The following PRP4K variants were observed in gnomAD, a reference collection of about 807,000 sequenced individuals.
PRP4K encodes the protein pre-mRNA processing factor kinase PRP4K.
At chr6:4,052,053 C>T in the PRP4K span, 2 of 1,602,124 alleles carry the variant, frequency 1.2e-6, no homozygotes, top group Non-Finnish European at 1.7e-6. Flanking sequence ...TCAGGCACTT[C>T]TATCACAAGC....
chr6:4,040,735 T>A, the PRP4K span: 1 of 1,595,562 alleles, frequency 6.3e-7, no homozygotes, highest in Admixed American at 1.8e-5. Flanking sequence ...CTTTGACATT[T>A]AAAAAAATGT....
the PRP4K span, chr6:4,032,717 A>G: frequency 8.8e-6 from 14 of 1,589,330 alleles, no homozygotes; most frequent in Admixed American, 5.8e-5. Context: ...TAGAAAGAAA[A>G]CGACGAGAAC....
chr6:4,030,379 A>G, the PRP4K span, among the ~76,000 whole-genome samples: 3 of 152,228 alleles, frequency 2.0e-5, no homozygotes, highest in African/African-American at 4.8e-5. Context: ...ATAGGAGTAT[A>G]TAATATGAAG....
chr6:4,026,614 T>C, the PRP4K span, among the ~76,000 whole-genome samples: 6 of 152,178 alleles, frequency 3.9e-5, no homozygotes, highest in African/African-American at 1.4e-4. Context: ...TATGTTATTC[T>C]ATATATATAA....
At chr6:4,025,304 T>C in the PRP4K span, among the ~76,000 whole-genome samples, 1 of 152,226 alleles carries the variant, frequency 6.6e-6, no homozygotes, top group Admixed American at 6.5e-5. Flanking sequence ...TTCTTGAGCT[T>C]TAGAAGAAAG....
the PRP4K span, chr6:4,037,284 A>G: frequency 9.9e-7 from 1 of 1,013,484 alleles, no homozygotes; most frequent in Non-Finnish European, 1.4e-6. Flanking sequence ...ACATTAATCA[A>G]AGTTCACTTT....
At chr6:4,026,684 G>A in the PRP4K span, among the ~76,000 whole-genome samples, 1 of 152,314 alleles carries the variant, frequency 6.6e-6, no homozygotes, top group South Asian at 2.1e-4. Context: ...GGCCCTCAGA[G>A]ATAGAGCAGT....
chr6:4,039,625 G>A, the PRP4K span, among the ~76,000 whole-genome samples: 1 of 152,100 alleles, frequency 6.6e-6, no homozygotes, highest in Non-Finnish European at 1.5e-5. Context: ...AGAGGATAGG[G>A]AGTCTCCAAT....
At chr6:4,056,610 T>C in the PRP4K span, 2 of 1,587,626 alleles carry the variant, frequency 1.3e-6, no homozygotes, top group Admixed American at 3.4e-5. Flanking sequence ...GTGACAGGAG[T>C]CTTGATCATG....
chr6:4,050,890 TTTG>T, the PRP4K span, among the ~76,000 whole-genome samples: 2 of 151,984 alleles, frequency 1.3e-5, no homozygotes, highest in African/African-American at 4.8e-5. Context: ...GTTCTGTTTT[TTTG>T]TTGTTGTTTG....
At chr6:4,046,660 C>CTT in the PRP4K span, among the ~76,000 whole-genome samples, 166 of 141,888 alleles carry the variant, frequency 1.2e-3, 1 homozygote, top group African/African-American at 3.9e-3. Context: ...GGTCTTTCAA[C>CTT]TTTTTTTTTT....
At chr6:4,058,680 G>A in the PRP4K span, 3 of 1,305,374 alleles carry the variant, frequency 2.3e-6, no homozygotes, top group African/African-American at 4.4e-5. Flanking sequence ...TTGTTAGTAG[G>A]CCTGTTTCAT....
chr6:4,026,606 TG>T, the PRP4K span, among the ~76,000 whole-genome samples: 3 of 152,310 alleles, frequency 2.0e-5, no homozygotes, highest in South Asian at 6.2e-4. Flanking sequence ...CCCGGCCTTA[TG>T]TTATTCTATA....
chr6:4,051,764 T>C, the PRP4K span, among the ~76,000 whole-genome samples: 1 of 152,214 alleles, frequency 6.6e-6, no homozygotes, highest in African/African-American at 2.4e-5. Flanking sequence ...ATAATGATAG[T>C]TGACTAACTA....
chr6:4,063,549 A>T, the PRP4K span: 1 of 152,196 alleles, frequency 6.6e-6, no homozygotes, highest in East Asian at 1.9e-4. Flanking sequence ...TACCCTGTAG[A>T]AACCTCGTTA....
the PRP4K span, among the ~76,000 whole-genome samples, chr6:4,038,419 G>C: frequency 1.6e-4 from 24 of 151,334 alleles, no homozygotes; most frequent in African/African-American, 5.8e-4. Flanking sequence ...AAGTAGCTGG[G>C]ACTAGAGGTG....
At chr6:4,053,733 T>TA in the PRP4K span, among the ~76,000 whole-genome samples, 9 of 152,300 alleles carry the variant, frequency 5.9e-5, no homozygotes, top group African/African-American at 2.2e-4. Context: ...GCTTATATGC[T>TA]GGTAACATTC....
chr6:4,034,415 T>C, the PRP4K span, among the ~76,000 whole-genome samples: 3 of 152,198 alleles, frequency 2.0e-5, no homozygotes, highest in Non-Finnish European at 4.4e-5. Flanking sequence ...AATAGACTCA[T>C]AGAAGTGGAC....
the PRP4K span, among the ~76,000 whole-genome samples, chr6:4,046,690 A>T: frequency 6.6e-6 from 1 of 151,190 alleles, no homozygotes; most frequent in African/African-American, 2.4e-5. Context: ...CCAGAGTCCA[A>T]TTCTGTCGCC....
Sources: gnomAD v4.1 joint callset for allele counts (sites outside exome capture counted in the v4.1 genomes callset) on GRCh38, gnomAD v4.1.1 for gene constraint, MANE v1.5 for transcripts, NCBI Gene and HGNC (gene_info 2026-07-23, HGNC 2026-07-21) for gene names.